The following PEX11G variants were observed in gnomAD, a reference collection of about 807,000 sequenced individuals.
PEX11G encodes the protein peroxisomal membrane protein 11C.
In PEX11G, 20 loss-of-function variants were observed where a neutral mutation model predicts 22.5. That is an observed-to-expected ratio of 0.89 (90% CI 0.62 to 1.29). PEX11G has a LOEUF of 1.29. PEX11G is among the 50% of genes most tolerant of loss of function. The pLI, the probability that PEX11G is intolerant of heterozygous loss-of-function variation, is 0.00. For synonymous variants in PEX11G, 141 were observed against 154.5 expected, an observed-to-expected ratio of 0.91 and a Z score of 0.65; for missense variants, 347 against 331.3, an observed-to-expected ratio of 1.05 and a Z score of -0.37.
intron 3 of PEX11G, among the ~76,000 whole-genome samples, chr19:7,481,258 GGTGTGA>G (rs1382752961): frequency 1.3e-5 from 2 of 152,086 alleles, no homozygotes; most frequent in African/African-American, 4.8e-5. Flanking sequence ...GGAGTGCAGG[GGTGTGA>G]TCTCGGCTCA....
intron 1 of PEX11G, 150 bp downstream of exon 1, chr19:7,488,801 A>G (rs2021780783): frequency 1.3e-6 from 1 of 778,308 alleles, no homozygotes. Flanking sequence ...ATAAATGTCC[A>G]ATGCTAGGGC....
intron 3 of PEX11G, 33 bp downstream of exon 3, chr19:7,482,000 C>T: frequency 6.5e-7 from 1 of 1,529,114 alleles, no homozygotes; most frequent in Non-Finnish European, 8.8e-7. Flanking sequence ...GCCCAGGGAC[C>T]TTGGGTGCTC....
In PEX11G at chr19:7,482,192, C is replaced by T. The variant is rs532809399; in HGVS notation, c.269G>A (p.Arg90His). 1.0e-5 allele frequency: 16 copies of T among 1,570,034 alleles called. No homozygotes were observed. Among genetic ancestry groups the T allele is most frequent in the African/African-American group, 4.1e-5 (3 of 73,674 alleles). Residue 90 changes from arginine to histidine, a missense_variant, in exon 3 of 5, where the codon CGC (arginine) becomes CAC (histidine). By Grantham distance (29) the Arg-to-His change is conservative (BLOSUM62 0). Coordinates refer to ENST00000221480, the MANE Select transcript of PEX11G (RefSeq NM_080662.4). Reference protein sequence around the residue: ...LGAQEEDAFVRCVSVLGNLAD... With the variant: ...LGAQEEDAFVHCVSVLGNLAD... ...CAGGTTCCCTAGGACGGAGACACAG[C>T]GGACAAAGGCGTCCTCCTCCTGCAG...
upstream of PEX11G, chr19:7,489,058 C>A: frequency 1.4e-6 from 2 of 1,462,332 alleles, no homozygotes; most frequent in South Asian, 2.7e-5. Context: ...CGCCAGGGGG[C>A]GGGGCCAGGC....
In PEX11G at chr19:7,477,446, A is replaced by C; in HGVS notation, c.492-10T>G. The C allele has an allele frequency of 7.0e-7, 1 of 1,423,800 alleles. No homozygotes were observed. The highest frequency in any genetic ancestry group is 9.2e-7 in the Non-Finnish European group (1 of 1,092,580). The allele number at this position is 1,423,800 out of a possible 1,614,324, so 88.2% of individuals were successfully genotyped here. A position where few individuals can be genotyped will look rare whatever the true frequency, so the allele number is the denominator to read the frequency against. On this transcript the variant is annotated splice_polypyrimidine_tract_variant and intron_variant, in intron 4 of 4. Transcript: ENST00000221480. ...GCCCCGGGGCAGCGGGCTGTGGGGC[A>C]GAGAGGGGCCGCTTACACTCACGCT...
At position 7,477,205 on chromosome 19, in the gene PEX11G, G is replaced by A. The variant is rs750342368; in HGVS notation, c.723C>T (p.Pro241=). 5.4e-5 allele frequency: 81 copies of A among 1,493,096 alleles called. No individual in the cohort carries two copies. Among genetic ancestry groups the A allele is most frequent in the Non-Finnish European group, 6.1e-5 (69 of 1,124,832 alleles). 92.5% of individuals were successfully genotyped at this position (1,493,096 alleles called of 1,614,324 possible). The change falls in exon 5 of 5, where the codon CCC becomes CCT. Residue 241 remains proline (P), a synonymous_variant. Coordinates refer to ENST00000221480, the MANE Select transcript of PEX11G (RefSeq NM_080662.4). The part of the protein sequence containing the change: ...RAGGQAEATT[P] ...TCCCTGTGCTCTTCCGGCAGTGTCA[G>A]GGGGTAGTGGCCTCGGCCTGGCCGC...
At chr19:7,482,951 A>G (rs994725303) in intron 2 of PEX11G, among the ~76,000 whole-genome samples, 1 of 152,140 alleles carries the variant, frequency 6.6e-6, no homozygotes, top group African/African-American at 2.4e-5. Context: ...CTCTGCCCCA[A>G]GTTCTTAATC....
At chr19:7,483,252 A>T (rs1226255020) in intron 2 of PEX11G, 1 of 151,764 alleles carries the variant, frequency 6.6e-6, no homozygotes, top group Non-Finnish European at 1.5e-5. Context: ...CTGGCCAGTC[A>T]TGATCCTACC....
In PEX11G at chr19:7,489,000, A is replaced by G. The variant is rs1178310557; in HGVS notation, c.11T>C (p.Leu4Pro). The G allele has an allele frequency of 2.6e-6, 4 of 1,542,388 alleles. No individual in the cohort carries two copies. In the East Asian group the frequency reaches 7.5e-5, roughly 29 times the overall value. The change falls in exon 1 of 5, where the codon CTG (leucine) becomes CCG (proline). Residue 4 changes from leucine to proline, a missense_variant. Coordinates refer to ENST00000221480, the MANE Select transcript of PEX11G (RefSeq NM_080662.4). ...CTCCAGCGCCGACGCCAGGCCGCTC[A>G]GCGACGCCATGGCAACTCCGTGACG... MAS[L>P]SGLASALESY...
At chr19:7,494,514 G>C (rs936216051) in intron 1 of PEX11G, among the ~76,000 whole-genome samples, 2 of 152,208 alleles carry the variant, frequency 1.3e-5, no homozygotes, top group African/African-American at 4.8e-5. Context: ...AAGAGCCTTG[G>C]AACAGCGCAA....
chr19:7,480,976 A>G (rs1977463270), intron 3 of PEX11G, among the ~76,000 whole-genome samples: 1 of 152,108 alleles, frequency 6.6e-6, no homozygotes, highest in Non-Finnish European at 1.5e-5. Context: ...TAGTCAGGAA[A>G]CTGCTGACTG....
chr19:7,487,356 A>C (rs1474829153), intron 1 of PEX11G, among the ~76,000 whole-genome samples: 1 of 152,180 alleles, frequency 6.6e-6, no homozygotes, highest in Non-Finnish European at 1.5e-5. Context: ...AATTTGGTAG[A>C]ATTACTTTAG....
At position 7,483,726 on chromosome 19, in the gene PEX11G, C is replaced by G. The variant is rs570606554; in HGVS notation, c.250-1515G>C. ...GCTGAACACGGTGGGGTTGGGATTT[C>G]GGGGCGGGGAGCACCTGAGTAGCAA... On this transcript the variant is annotated intron_variant, in intron 2 of 4. Coordinates refer to ENST00000221480, the MANE Select transcript of PEX11G (RefSeq NM_080662.4). 2.0e-5 allele frequency among the ~76,000 whole-genome samples: 3 copies of G among 152,162 alleles called. No individual in the cohort carries two copies. The East Asian group carries it at 5.8e-4, about 29-fold the overall frequency.
At chr19:7,484,891 G>C (rs770515228) in intron 2 of PEX11G, among the ~76,000 whole-genome samples, 2 of 152,140 alleles carry the variant, frequency 1.3e-5, no homozygotes, top group African/African-American at 4.8e-5. Context: ...ATGTGTGAAC[G>C]TTTGCTATTT....
intron 3 of PEX11G, among the ~76,000 whole-genome samples, 167 bp from the exon 4 acceptor site, chr19:7,478,543 T>TC (rs1977342877): frequency 6.6e-6 from 1 of 152,248 alleles, no homozygotes; most frequent in South Asian, 2.1e-4. Flanking sequence ...TGCCTCATGC[T>TC]CCCGGGGACT....
chr19:7,485,363 G>GTTT (rs938059113), intron 2 of PEX11G, among the ~76,000 whole-genome samples: 4 of 145,026 alleles, frequency 2.8e-5, no homozygotes, highest in Non-Finnish European at 4.6e-5. Context: ...TAGAGACAGG[G>GTTT]TTTTTTTTTT....
chr19:7,481,988 C>T, intron 3 of PEX11G, 45 bp downstream of exon 3: 6 of 1,481,182 alleles, frequency 4.1e-6, no homozygotes, highest in Non-Finnish European at 3.6e-6. Context: ...TAAGGAGGCA[C>T]CGCCCAGGGA....
upstream of PEX11G, among the ~76,000 whole-genome samples, chr19:7,490,642 ATTTTTTTTT>A (rs749165168): frequency 7.6e-4 from 42 of 55,112 alleles, no homozygotes; most frequent in African/African-American, 2.6e-3. Context: ...CCTGGCCTCT[ATTTTTTTTT>A]TTTTTTTTTT....
chr19:7,486,851 G>A (rs12611162), intron 1 of PEX11G, among the ~76,000 whole-genome samples: 63,099 of 150,908 alleles, frequency 0.42, 14,765 homozygotes, highest in African/African-American at 0.65. Flanking sequence ...CACCCGCCTC[G>A]GCCTCCCAAA....
Sources: gnomAD v4.1 joint callset for allele counts (sites outside exome capture counted in the v4.1 genomes callset) on GRCh38, gnomAD v4.1.1 for gene constraint, MANE v1.5 for transcripts, NCBI Gene and HGNC (gene_info 2026-07-23, HGNC 2026-07-21) for gene names.